Variants in DNHD1 observed in about 807,000 individuals in gnomAD.
The protein encoded by DNHD1 is dynein heavy chain domain 1, also known as dynein heavy chain domain-containing protein 1.
In DNHD1, 383 loss-of-function variants were observed where a neutral mutation model predicts 458.1. That is an observed-to-expected ratio of 0.84 (90% CI 0.77 to 0.91). The LOEUF (loss-of-function observed/expected upper bound fraction) is 0.91. Ranked by LOEUF, DNHD1 falls within the 40% of genes least tolerant of loss-of-function variation. DNHD1 has a pLI of 0.00. For missense variants in DNHD1, 5,336 were observed against 5,866.1 expected (o/e 0.91, Z 2.95); for synonymous variants, 2,203 against 2,376.9 (o/e 0.93, Z 2.13).
At chr11:6,501,878 C>G (rs1415495565) in intron 3 of DNHD1, among the ~76,000 whole-genome samples, 1 of 152,170 alleles carries the variant, frequency 6.6e-6, no homozygotes, top group African/African-American at 2.4e-5. Context: ...TCCAACACAA[C>G]AGTTCATCAA....
intron 10 of DNHD1, among the ~76,000 whole-genome samples, chr11:6,525,673 T>C (rs1003393711): frequency 3.3e-5 from 5 of 152,242 alleles, no homozygotes; most frequent in African/African-American, 1.2e-4. Flanking sequence ...AGTTCTTCTA[T>C]GTTGATAACA....
intron 13 of DNHD1, 48 bp from the exon 14 acceptor site, chr11:6,533,633 G>C (rs1428874752): frequency 6.6e-7 from 1 of 1,504,946 alleles, no homozygotes; most frequent in Admixed American, 2.1e-5. Context: ...GGACCAAAGA[G>C]GTACATGGGG....
At chr11:6,504,067 A>G (rs1852186475) in intron 4 of DNHD1, 1 of 152,222 alleles carries the variant, frequency 6.6e-6, no homozygotes, top group South Asian at 2.1e-4. Context: ...CATGCTCTTA[A>G]GCAGTATCTA....
intron 14 of DNHD1, among the ~76,000 whole-genome samples, chr11:6,537,059 A>G (rs751514893): frequency 8.5e-5 from 13 of 152,226 alleles, no homozygotes; most frequent in Non-Finnish European, 1.9e-4. Context: ...GTGTGACTCT[A>G]TCACTTTTTG....
In DNHD1 at chr11:6,498,807, G is replaced by A; in HGVS notation, c.592G>A (p.Gly198Ser). Residue 198 changes from glycine to serine, a missense_variant, in exon 3 of 43, where the codon GGC becomes AGC. Transcript: ENST00000254579. ...LTLPELQRCLGIVGAQVALEE... is the reference protein window; with the variant it reads ...LTLPELQRCLSIVGAQVALEE... ...ACTGCCTGAGCTACAGCGCTGCCTG[G>A]GCATTGTTGGTGCTCAGGTGGCCCT... 4 of 1,614,230 alleles carry A rather than the reference G, an allele frequency of 2.5e-6. No individual in the cohort carries two copies. The highest frequency in any genetic ancestry group is 3.4e-6 in the Non-Finnish European group (4 of 1,180,038).
chr11:6,551,905 G>A (rs992002275), intron 24 of DNHD1, among the ~76,000 whole-genome samples: 2 of 134,260 alleles, frequency 1.5e-5, no homozygotes, highest in Non-Finnish European at 3.1e-5. Flanking sequence ...TTGCACCACT[G>A]CACTCCAGCC....
In DNHD1 at chr11:6,568,713, A is replaced by G. The variant is rs1395207781; in HGVS notation, c.12710A>G (p.Glu4237Gly). ...CCTGTTTTCTGGAACCAGTCCCTGG[A>G]GCTGGGCCATGTTTTGATTGACAGT... ...SMPVFWNQSL[E>G]LGHVLIDSVE... The change falls in exon 39 of 43, where the codon GAG becomes GGG. Residue 4237 changes from glutamate to glycine, a missense_variant. Physicochemically the swap from Glu to Gly is moderately conservative, Grantham distance 98. Coordinates refer to ENST00000254579, the MANE Select transcript of DNHD1 (RefSeq NM_144666.3). The G allele has an allele frequency of 1.2e-6, 2 of 1,613,740 alleles. No individual in the cohort carries two copies. Among genetic ancestry groups the G allele is most frequent in the Admixed American group, 3.3e-5 (2 of 59,994 alleles).
At chr11:6,508,150 A>G (rs1352969598) in intron 4 of DNHD1, 1 of 152,230 alleles carries the variant, frequency 6.6e-6, no homozygotes, top group East Asian at 1.9e-4. Flanking sequence ...AAATGTATCT[A>G]AACATAGCAT....
chr11:6,550,860 T>A (rs543393471), intron 24 of DNHD1, among the ~76,000 whole-genome samples: 2 of 152,126 alleles, frequency 1.3e-5, no homozygotes, highest in East Asian at 3.9e-4. Flanking sequence ...GACATTTAAG[T>A]ATAGGGAAAA....
Position 6,548,430 on chromosome 11 carries a change from G to T in DNHD1, c.7098+28G>T, listed in dbSNP as rs1224570787. ...GTGAGGACAGTAAGGCAAGAGCTGG[G>T]GTTAGAACTTCAGGACTTATTTTAG... On this transcript the variant is annotated intron_variant, in intron 23 of 42. Coordinates refer to ENST00000254579, the MANE Select transcript of DNHD1 (RefSeq NM_144666.3). This position sits in a 1 kb window ranked among gnomAD's most constrained non-coding sequence, Gnocchi z 4.4. 3 of 1,546,922 alleles carry T rather than the reference G, an allele frequency of 1.9e-6. No individual in the cohort carries two copies. The South Asian group carries it at 3.6e-5, about 18-fold the overall frequency.
In DNHD1 at chr11:6,566,412, A is replaced by G; in HGVS notation, c.11206+19A>G. 6.4e-7 allele frequency: 1 copy of G among 1,557,492 alleles called. No homozygotes were observed. The highest frequency in any genetic ancestry group is 2.4e-5 in the East Asian group (1 of 41,338). ...GAAAAAGGTGAGGCCCAGAGGGCAAATTGCCAGCACAGTTGTGTGGACACA... is the reference window on the plus strand; with the variant it reads ...GAAAAAGGTGAGGCCCAGAGGGCAAGTTGCCAGCACAGTTGTGTGGACACA... On this transcript the variant is annotated intron_variant, in intron 34 of 42. Transcript: ENST00000254579.
rs1376174893 is a variant in DNHD1, at chr11:6,567,255, C to T, written c.11746C>T (p.Arg3916Cys). Residue 3916 changes from arginine to cysteine, a missense_variant, in exon 36 of 43, where the codon CGC becomes TGC. Physicochemically the swap from Arg to Cys is radical, Grantham distance 180 (BLOSUM62 -3). This residue lies in a region of DNHD1 where 695 missense variants were observed against 804.2 expected (regional missense o/e 0.86). Coordinates refer to ENST00000254579, the MANE Select transcript of DNHD1 (RefSeq NM_144666.3). ...ACTGCAATTGAGAGCACACCTGACCCGCCAGCTGCTGGGCAGCACCGTGAC... is the reference window on the plus strand; with the variant it reads ...ACTGCAATTGAGAGCACACCTGACCTGCCAGCTGCTGGGCAGCACCGTGAC... The part of the protein sequence containing the change: ...HLLQLRAHLT[R>C]QLLGSTVTAL... The T allele has an allele frequency of 8.7e-6, 14 of 1,613,902 alleles. No homozygotes were observed. The highest frequency in any genetic ancestry group is 3.3e-4 in the Middle Eastern group (2 of 6,084).
chr11:6,502,942 C>G lies in DNHD1; in HGVS notation c.920+16C>G. 6.2e-7 allele frequency: 1 copy of G among 1,609,378 alleles called. No individual in the cohort carries two copies. ...GGTACTTTAGGTGATAGCCTATGTC[C>G]AGGCCCCTTCTCCTCCCCCTGCCTG... is the stretch of plus-strand genomic sequence containing the variant. On this transcript the variant is annotated intron_variant, in intron 4 of 42. Transcript: ENST00000254579.
Position 6,547,448 on chromosome 11 carries a change from T to G in DNHD1, c.6509T>G (p.Leu2170Arg). Residue 2170 changes from leucine (L) to arginine (R), a missense_variant, in exon 21 of 43, where the codon CTG becomes CGG. Physicochemically the swap from Leu to Arg is moderately radical, Grantham distance 102. Around this residue, in one of 4 missense-constraint regions of DNHD1, gnomAD observed 3,932 missense variants for 4,365.6 expected, o/e 0.90. Coordinates refer to ENST00000254579, the MANE Select transcript of DNHD1 (RefSeq NM_144666.3). ...LMASLPYEYRLQHRTVAELNH... is the reference protein window; with the variant it reads ...LMASLPYEYRRQHRTVAELNH... ...GCATCCCTTCCTTATGAGTACCGCCTGCAGCACCGGACAGTCGCTGAGCTC... is the reference window on the plus strand; with the variant it reads ...GCATCCCTTCCTTATGAGTACCGCCGGCAGCACCGGACAGTCGCTGAGCTC... 1 of 1,551,670 alleles carries G rather than the reference T, an allele frequency of 6.4e-7. No individual in the cohort carries two copies. The highest frequency in any genetic ancestry group is 2.4e-5 in the East Asian group (1 of 40,914).
intron 10 of DNHD1, 104 bp from the exon 11 acceptor site, chr11:6,528,404 GGTGTGTGTGTGTGT>G (rs55919773): frequency 1.0e-5 from 9 of 881,230 alleles, no homozygotes; most frequent in Non-Finnish European, 1.5e-5. Context: ...GCAGCGAATG[GGTGTGTGTGTGTGT>G]GTGTGTGTGT....
In DNHD1 at chr11:6,571,543, G is replaced by C. The variant is rs1853852274; in HGVS notation, c.13912-93G>C. On this transcript the variant is annotated intron_variant, in intron 42 of 42. Transcript: ENST00000254579. The surrounding 1 kb of genome is among the most constrained non-coding windows in gnomAD (Gnocchi z 5.0). ...TAACCCTGCTAGCTTCTCCGATCTCGCTTCACCACGACCTCCTACCCGCTA... is the reference window on the plus strand; with the variant it reads ...TAACCCTGCTAGCTTCTCCGATCTCCCTTCACCACGACCTCCTACCCGCTA... 2.1e-6 allele frequency: 3 copies of C among 1,455,648 alleles called. No homozygotes were observed. The highest frequency in any genetic ancestry group is 1.8e-6 in the Non-Finnish European group (2 of 1,091,900). The allele number at this position is 1,455,648 out of a possible 1,614,324, so 90.2% of individuals were successfully genotyped here. A position where few individuals can be genotyped will look rare whatever the true frequency, so the allele number is the denominator to read the frequency against.
chr11:6,518,057 C>A (rs927958809), intron 7 of DNHD1, among the ~76,000 whole-genome samples: 10 of 151,928 alleles, frequency 6.6e-5, no homozygotes, highest in African/African-American at 2.4e-4. Flanking sequence ...TATAGAATTC[C>A]AAGTTTTTTA....
At chr11:6,552,082 A>G (rs1853366617) in intron 24 of DNHD1, among the ~76,000 whole-genome samples, 1 of 149,876 alleles carries the variant, frequency 6.7e-6, no homozygotes, top group Admixed American at 6.6e-5. Flanking sequence ...CATTTAAAAA[A>G]AAAAGTTTTA....
Position 6,547,643 on chromosome 11 carries a change from A to C in DNHD1, c.6704A>C (p.Lys2235Thr). The stretch of plus-strand genomic sequence containing the variant: ...CTGCTTGACCTCCACCTTCGCCTAA[A>C]GGAGGAGAAGGCCCCTGGCCCAGGT... ...HSLLDLHLRL[K>T]EEKAPGPEDL... Residue 2235 changes from lysine to threonine, a missense_variant, in exon 21 of 43, where the codon AAG becomes ACG. Transcript: ENST00000254579. 1 of 1,528,012 alleles carries C rather than the reference A, an allele frequency of 6.5e-7. No individual in the cohort carries two copies. Among genetic ancestry groups the C allele is most frequent in the South Asian group, 1.2e-5 (1 of 81,212 alleles). 94.7% of individuals were successfully genotyped at this position (1,528,012 alleles called of 1,614,324 possible). A position where few individuals can be genotyped will look rare whatever the true frequency, so the allele number is the denominator to read the frequency against.
Sources: gnomAD v4.1 joint callset for allele counts (sites outside exome capture counted in the v4.1 genomes callset) on GRCh38, gnomAD v4.1.1 for gene constraint, gnomAD v4.1.1 regional missense constraint, Gnocchi (gnomAD v3.1) non-coding constraint, MANE v1.5 for transcripts, NCBI Gene and HGNC (gene_info 2026-07-23, HGNC 2026-07-21) for gene names.